PTDSS2: variants seen among roughly 807,000 people sequenced by gnomAD.
The protein encoded by PTDSS2 is phosphatidylserine synthase 2.
In PTDSS2, 41 loss-of-function variants were observed where a neutral mutation model predicts 64.7. The ratio of observed to expected loss-of-function variants is 0.63; its 90% CI spans 0.49 to 0.82. PTDSS2 has a LOEUF of 0.82. PTDSS2 is among the 40% of genes least tolerant of loss of function. The pLI is 0.00. For synonymous variants in PTDSS2, 297 were observed against 277.8 expected, an observed-to-expected ratio of 1.07 and a Z score of -0.69; for missense variants, 485 against 650.0, an observed-to-expected ratio of 0.75 and a Z score of 2.76.
intron 2 of PTDSS2, among the ~76,000 whole-genome samples, chr11:467,312 G>A (rs1436920067): frequency 2.0e-5 from 3 of 152,188 alleles, no homozygotes. Flanking sequence ...TGGAAACAGG[G>A]AGACGCCACT....
upstream of PTDSS2, among the ~76,000 whole-genome samples, chr11:448,957 C>G (rs866888323): frequency 2.0e-5 from 3 of 152,282 alleles, no homozygotes; most frequent in South Asian, 2.1e-4. Context: ...TCCCCAGCCC[C>G]CGGTGAAAAC....
intron 7 of PTDSS2, 22 bp downstream of exon 7, chr11:488,334 G>C (rs370754337): frequency 1.3e-6 from 2 of 1,583,304 alleles, no homozygotes; most frequent in South Asian, 1.1e-5. Context: ...CACAGCCCCC[G>C]GGGCAGTCGG....
chr11:457,482 G>A lies in PTDSS2; in HGVS notation c.183-2705G>A, dbSNP rs58445074. On this transcript the variant is annotated intron_variant, in intron 1 of 11. Transcript: ENST00000308020. ...CTCACGATGTTCATGATGTTGCCCC[G>A]GCTGGTCTTGAGCTCCTGGCCCAAA... is the stretch of plus-strand genomic sequence containing the variant. Among the ~76,000 whole-genome samples the A allele has an allele frequency of 3.6e-3, 552 of 152,238 alleles. 2 individuals are homozygous for A. Among genetic ancestry groups the A allele is most frequent in the African/African-American group, 0.013 (530 of 41,540 alleles).
At chr11:453,624 G>A (rs1051951231) in intron 1 of PTDSS2, among the ~76,000 whole-genome samples, 1 of 152,236 alleles carries the variant, frequency 6.6e-6, no homozygotes, top group African/African-American at 2.4e-5. Flanking sequence ...GCCTACACCT[G>A]GGAGGCGCGA....
rs1847971482 is a variant in PTDSS2 at position 479,433 on chromosome 11, G to T, written c.435+281G>T. 5 of 535,272 alleles carry T rather than the reference G, an allele frequency of 9.3e-6. No individual in the cohort carries two copies. The East Asian group carries it at 1.7e-4, about 18-fold the overall frequency. The allele number at this position is 535,272 out of a possible 1,614,324, so 33.2% of individuals were successfully genotyped here. A position where few individuals can be genotyped will look rare whatever the true frequency, so the allele number is the denominator to read the frequency against. On this transcript the variant is annotated intron_variant, in intron 4 of 11. Coordinates refer to ENST00000308020, the MANE Select transcript of PTDSS2 (RefSeq NM_030783.3). The surrounding 1 kb of genome is among the most constrained non-coding windows in gnomAD (Gnocchi z 4.2). ...GCGCTGACTGTGGCCATTTAGCAGGGCCACACTTAAGGAGGGCAGGGCCAG... is the reference window on the plus strand; with the variant it reads ...GCGCTGACTGTGGCCATTTAGCAGGTCCACACTTAAGGAGGGCAGGGCCAG...
At position 479,243 on chromosome 11, in the gene PTDSS2, C is replaced by T. The variant is rs545939105; in HGVS notation, c.435+91C>T. Reference sequence around the variant, plus strand: ...CAAAGGAGGCCTTGCCCACACAGCCCTCGAGTGATGGGAGGAAGCAGGGCT... The same window carrying T: ...CAAAGGAGGCCTTGCCCACACAGCCTTCGAGTGATGGGAGGAAGCAGGGCT... On this transcript the variant is annotated intron_variant, in intron 4 of 11. Transcript: ENST00000308020. This position sits in a 1 kb window ranked among gnomAD's most constrained non-coding sequence, Gnocchi z 4.2. 2 of 1,071,234 alleles carry T rather than the reference C, an allele frequency of 1.9e-6. No individual in the cohort carries two copies. Among genetic ancestry groups the T allele is most frequent in the African/African-American group, 1.6e-5 (1 of 64,268 alleles). The allele number at this position is 1,071,234 out of a possible 1,614,324, so 66.4% of individuals were successfully genotyped here.
intron 1 of PTDSS2, among the ~76,000 whole-genome samples, chr11:457,179 C>T (rs370843530): frequency 3.9e-5 from 6 of 152,224 alleles, no homozygotes; most frequent in African/African-American, 9.6e-5. Flanking sequence ...AGTCCTGCAG[C>T]TCCACCCTGG....
Position 450,364 on chromosome 11 carries a change from C to T in PTDSS2, c.-92C>T. The stretch of plus-strand genomic sequence containing the variant: ...CCAGCGCCGCGACCCCTTCCCAGCG[C>T]TCCTCGCGCTGTGTGCGGCGCGTCC... On this transcript the variant is annotated 5_prime_UTR_variant, in exon 1 of 12. Coordinates refer to ENST00000308020, the MANE Select transcript of PTDSS2 (RefSeq NM_030783.3). 4 of 1,130,116 alleles carry T rather than the reference C, an allele frequency of 3.5e-6. No homozygotes were observed. The highest frequency in any genetic ancestry group is 3.4e-5 in the East Asian group (1 of 29,624). 70.0% of individuals were successfully genotyped at this position (1,130,116 alleles called of 1,614,324 possible). A position where few individuals can be genotyped will look rare whatever the true frequency, so the allele number is the denominator to read the frequency against.
rs1047764037 is a variant in PTDSS2, at chr11:461,838, C to T, written c.284+1550C>T. On this transcript the variant is annotated intron_variant, in intron 2 of 11. Coordinates refer to ENST00000308020, the MANE Select transcript of PTDSS2 (RefSeq NM_030783.3). The surrounding 1 kb of genome is among the most constrained non-coding windows in gnomAD (Gnocchi z 4.2). ...GGGAGCATGTGCCGTGCCTGGGGCC[C>T]CTGTGGAGGGGCCACCTGGGGACGC... Among the ~76,000 whole-genome samples the T allele has an allele frequency of 6.6e-6, 1 of 152,168 alleles. No homozygotes were observed. Among genetic ancestry groups the T allele is most frequent in the African/African-American group, 2.4e-5 (1 of 41,442 alleles).
chr11:449,603 A>G (rs1425608035), upstream of PTDSS2, among the ~76,000 whole-genome samples: 1 of 152,178 alleles, frequency 6.6e-6, no homozygotes, highest in East Asian at 1.9e-4. Flanking sequence ...AACTAAAATC[A>G]GCGTGTCCGC....
At chr11:478,175 A>G (rs536969044) in intron 3 of PTDSS2, among the ~76,000 whole-genome samples, 18 of 152,332 alleles carry the variant, frequency 1.2e-4, no homozygotes, top group African/African-American at 4.3e-4. Context: ...ATGCAGAAAA[A>G]CAAAAATTCA....
At chr11:468,939 A>G (rs1206720951) in intron 2 of PTDSS2, among the ~76,000 whole-genome samples, 8 of 64,298 alleles carry the variant, frequency 1.2e-4, no homozygotes, top group South Asian at 5.8e-4. Context: ...GTAATCGGAG[A>G]AAGAGGGGAG....
chr11:487,397 G>T, intron 5 of PTDSS2, 23 bp from the exon 6 acceptor site: 1 of 1,612,618 alleles, frequency 6.2e-7, no homozygotes, highest in Non-Finnish European at 8.5e-7. Context: ...CCAGGGTCAA[G>T]GGTCATACCC....
At chr11:453,239 G>A (rs1479059322) in intron 1 of PTDSS2, among the ~76,000 whole-genome samples, 2 of 152,192 alleles carry the variant, frequency 1.3e-5, no homozygotes, top group Non-Finnish European at 2.9e-5. Context: ...AACATCCAGA[G>A]GAAAACGTTT....
chr11:454,577 C>T (rs543037460), intron 1 of PTDSS2, among the ~76,000 whole-genome samples: 3 of 152,222 alleles, frequency 2.0e-5, no homozygotes, highest in Admixed American at 6.5e-5. Flanking sequence ...GAGGCCGAGG[C>T]AGGTGGATCA....
chr11:485,323 AAG>A (rs1258803848), intron 4 of PTDSS2, among the ~76,000 whole-genome samples: 7 of 128,990 alleles, frequency 5.4e-5, no homozygotes, highest in Non-Finnish European at 8.1e-5. Flanking sequence ...AGGCGAGTGT[AAG>A]TGCACGAGCG....
Position 479,254 on chromosome 11 carries a change from G to C in PTDSS2, c.435+102G>C, listed in dbSNP as rs1847957867. On this transcript the variant is annotated intron_variant, in intron 4 of 11. Transcript: ENST00000308020. The surrounding 1 kb of genome is among the most constrained non-coding windows in gnomAD (Gnocchi z 4.2). ...TTGCCCACACAGCCCTCGAGTGATGGGAGGAAGCAGGGCTAGACCCCCACA... is the reference window on the plus strand; with the variant it reads ...TTGCCCACACAGCCCTCGAGTGATGCGAGGAAGCAGGGCTAGACCCCCACA... 52 of 978,676 alleles carry C rather than the reference G, an allele frequency of 5.3e-5. 2 individuals are homozygous for C. The South Asian group carries it at 6.3e-4, about 12-fold the overall frequency. 60.6% of individuals were successfully genotyped at this position (978,676 alleles called of 1,614,324 possible).
intron 2 of PTDSS2, among the ~76,000 whole-genome samples, chr11:472,018 G>GGCCTGGGGTGACGCGGATGGCA (rs1564975700): frequency 2.9e-5 from 4 of 138,892 alleles, no homozygotes; most frequent in Admixed American, 7.2e-5. Context: ...CGCGGATGGC[G>GGCCTGGGGTGACGCGGATGGCA]GCCTGGGGTG....
In PTDSS2 at chr11:488,667, A is replaced by C; in HGVS notation, c.854+20A>C. On this transcript the variant is annotated intron_variant, in intron 8 of 11. Transcript: ENST00000308020. ...CTACAAGTACGTCGTGGGGGCTGCG[A>C]GGGCAGGGCCGGGTGGGGGTTACCT... The C allele has an allele frequency of 7.2e-7, 1 of 1,397,106 alleles. No homozygotes were observed. Among genetic ancestry groups the C allele is most frequent in the Non-Finnish European group, 1.0e-6 (1 of 1,000,400 alleles). 86.5% of individuals were successfully genotyped at this position (1,397,106 alleles called of 1,614,324 possible).
Sources: gnomAD v4.1 joint callset for allele counts (sites outside exome capture counted in the v4.1 genomes callset) on GRCh38, gnomAD v4.1.1 for gene constraint, Gnocchi (gnomAD v3.1) non-coding constraint, MANE v1.5 for transcripts, NCBI Gene and HGNC (gene_info 2026-07-23, HGNC 2026-07-21) for gene names.